NRXN3: variants seen among roughly 807,000 people sequenced by gnomAD.
NRXN3 encodes the protein neurexin III.
In NRXN3, 32 loss-of-function variants were observed where a neutral mutation model predicts 137.6. The ratio of observed to expected loss-of-function variants is 0.23; its 90% CI spans 0.18 to 0.31. The LOEUF is 0.31. NRXN3 is among the 10% of genes least tolerant of loss of function. NRXN3 has a pLI of 1.00. For missense variants in NRXN3, 1,574 were observed against 2,062.5 expected (o/e 0.76, Z 4.59); for synonymous variants, 798 against 784.5 (o/e 1.02, Z -0.29).
intron 19 of NRXN3, among the ~76,000 whole-genome samples, chr14:79,713,148 A>G (rs1236077708): frequency 1.4e-5 from 2 of 137,980 alleles, no homozygotes; most frequent in African/African-American, 5.4e-5. Context: ...TAATTCCTTG[A>G]CTGCACTGAT....
In NRXN3 at chr14:78,832,926, T is replaced by A. The variant is rs77947583; in HGVS notation, c.2275+22582T>A. ...TGTGTAAAATACAAAAGTTGTAGAG[T>A]CATCTGCAGGTCTGGTATACATGGA... On this transcript the variant is annotated intron_variant, in intron 10 of 20. Transcript: ENST00000335750. Among the ~76,000 whole-genome samples the A allele has an allele frequency of 9.0e-3, 1,368 of 152,196 alleles. 6 individuals are homozygous for A. The highest frequency in any genetic ancestry group is 0.013 in the Non-Finnish European group (915 of 67,996).
intron 4 of NRXN3, among the ~76,000 whole-genome samples, chr14:78,544,935 C>T (rs921302818): frequency 6.6e-6 from 1 of 152,180 alleles, no homozygotes; most frequent in African/African-American, 2.4e-5. Context: ...TGGGAATAAA[C>T]AGGAGTTGGG....
chr14:78,820,128 T>G (rs1331490899), intron 10 of NRXN3, among the ~76,000 whole-genome samples: 1 of 151,974 alleles, frequency 6.6e-6, no homozygotes, highest in Non-Finnish European at 1.5e-5. Flanking sequence ...AAGCTAATAT[T>G]ATTAACCTAA....
chr14:79,404,028 C>T (rs772343169), intron 15 of NRXN3, among the ~76,000 whole-genome samples: 8 of 152,156 alleles, frequency 5.3e-5, no homozygotes, highest in Non-Finnish European at 1.0e-4. Context: ...CAATGCCATT[C>T]AGGCCATAGG....
At chr14:79,719,289 ATGTATG>A (rs2098834565) in intron 19 of NRXN3, among the ~76,000 whole-genome samples, 2 of 46,890 alleles carry the variant, frequency 4.3e-5, no homozygotes, top group South Asian at 1.3e-3. Flanking sequence ...ATATATATGT[ATGTATG>A]TGTATATGTA....
intron 8 of NRXN3, among the ~76,000 whole-genome samples, chr14:78,718,494 A>G (rs1259365004): frequency 6.6e-6 from 1 of 152,194 alleles, no homozygotes; most frequent in African/African-American, 2.4e-5. Context: ...TCCTGGATCA[A>G]AGTCATCAGC....
At chr14:79,320,136 T>A (rs1044720716) in intron 15 of NRXN3, among the ~76,000 whole-genome samples, 1 of 152,214 alleles carries the variant, frequency 6.6e-6, no homozygotes, top group Non-Finnish European at 1.5e-5. Context: ...CACAGGATTG[T>A]GGTTTTGCCC....
intron 1 of NRXN3, among the ~76,000 whole-genome samples, chr14:78,197,018 T>A (rs1200247756): frequency 6.6e-6 from 1 of 152,188 alleles, no homozygotes; most frequent in Non-Finnish European, 1.5e-5. Flanking sequence ...GAGCCATGTG[T>A]CATTTGGGTA....
At chr14:78,813,704 G>A (rs185568787) in intron 10 of NRXN3, among the ~76,000 whole-genome samples, 70 of 151,962 alleles carry the variant, frequency 4.6e-4, no homozygotes, top group Non-Finnish European at 5.1e-4. Context: ...TTTGTTCTGG[G>A]AAATGGCTAT....
At chr14:79,657,902 G>C (rs1164259592) in intron 16 of NRXN3, among the ~76,000 whole-genome samples, 1 of 151,976 alleles carries the variant, frequency 6.6e-6, no homozygotes, top group Non-Finnish European at 1.5e-5. Flanking sequence ...GTCTCTTATG[G>C]TACAAAAAAG....
At position 78,709,525 on chromosome 14, in the gene NRXN3, G is replaced by T; in HGVS notation, c.1530G>T (p.Val510=). The change falls in exon 7 of 21, where the codon GTG becomes GTT. Residue 510 remains valine (V), a synonymous_variant. Transcript: ENST00000335750. ...ATACAAAAGTAGACTTCTTTGCCGT[G>T]GAACTCCTCGATGGCAACCTGTACT... ...QKNTKVDFFA[V]ELLDGNLYLL... is the part of the protein sequence containing the mutation. 1 of 1,614,014 alleles carries T rather than the reference G, an allele frequency of 6.2e-7. No homozygotes were observed. The highest frequency in any genetic ancestry group is 8.5e-7 in the Non-Finnish European group (1 of 1,180,008).
At chr14:79,832,473 G>C (rs563248461) in intron 20 of NRXN3, among the ~76,000 whole-genome samples, 25 of 152,206 alleles carry the variant, frequency 1.6e-4, no homozygotes, top group Middle Eastern at 6.8e-3. Context: ...TTCTTTAAAC[G>C]GTGGTTCTAA....
intron 15 of NRXN3, among the ~76,000 whole-genome samples, chr14:79,291,319 T>C (rs1181853462): frequency 2.0e-5 from 3 of 152,160 alleles, no homozygotes; most frequent in Non-Finnish European, 4.4e-5. Context: ...CTGACATTTC[T>C]ATAAACGTTA....
At position 79,577,113 on chromosome 14, in the gene NRXN3, C is replaced by T. The variant is rs143973976; in HGVS notation, c.3445-86665C>T. 7.2e-5 allele frequency among the ~76,000 whole-genome samples: 11 copies of T among 152,198 alleles called. No homozygotes were observed. The East Asian group carries it at 7.7e-4, about 11-fold the overall frequency. On this transcript the variant is annotated intron_variant, in intron 16 of 20. Transcript: ENST00000335750. ...TTTTATAAATGGGGGTTCCCCTGCA[C>T]GAGCTATCTTGCCTGCTGCCATGAC... is the stretch of plus-strand genomic sequence containing the variant.
chr14:79,560,880 A>G (rs1373928488), intron 16 of NRXN3, among the ~76,000 whole-genome samples: 2 of 151,940 alleles, frequency 1.3e-5, no homozygotes, highest in Non-Finnish European at 2.9e-5. Flanking sequence ...AAAGAACTTA[A>G]AGTGTTCCAT....
intron 15 of NRXN3, among the ~76,000 whole-genome samples, chr14:79,010,841 G>A (rs2152393162): frequency 6.6e-6 from 1 of 152,276 alleles, no homozygotes; most frequent in South Asian, 2.1e-4. Context: ...CGAGGAAGTA[G>A]GAAGCTGGAA....
chr14:78,634,654 A>G (rs1355009981), intron 4 of NRXN3, among the ~76,000 whole-genome samples: 2 of 152,154 alleles, frequency 1.3e-5, no homozygotes, highest in Non-Finnish European at 2.9e-5. Context: ...TTTGCTTTAT[A>G]TCTTTTTGTA....
chr14:78,820,344 T>C (rs1405891163), intron 10 of NRXN3, among the ~76,000 whole-genome samples: 1 of 150,008 alleles, frequency 6.7e-6, no homozygotes, highest in African/African-American at 2.4e-5. Context: ...AATGAAAGTC[T>C]GTTTACTGAT....
At chr14:79,289,703 AG>A (rs1180255883) in intron 15 of NRXN3, among the ~76,000 whole-genome samples, 6 of 152,136 alleles carry the variant, frequency 3.9e-5, no homozygotes, top group African/African-American at 7.2e-5. Context: ...TGTGTTCTGA[AG>A]GCTTCCTTTG....
Sources: allele counts gnomAD v4.1 joint callset (sites outside exome capture counted in the v4.1 genomes callset), GRCh38; gene constraint gnomAD v4.1.1; transcripts MANE v1.5; gene names NCBI Gene and HGNC (gene_info 2026-07-23, HGNC 2026-07-21).